The following MDGA2 variants were observed in gnomAD, a reference collection of about 807,000 sequenced individuals.
The protein encoded by MDGA2 is MAM domain-containing glycosylphosphatidylinositol anchor protein 2.
In MDGA2, 40 loss-of-function variants were observed where a neutral mutation model predicts 117.8. The observed-to-expected ratio is 0.34, with a 90% CI of 0.26 to 0.44. MDGA2 has a LOEUF of 0.44. Ranked by LOEUF, MDGA2 falls within the 20% of genes least tolerant of loss-of-function variation. MDGA2 has a pLI of 1.00. For missense variants in MDGA2, 1,123 were observed against 1,250.6 expected, an observed-to-expected ratio of 0.90 and a Z score of 1.54; for synonymous variants, 452 against 439.0, an observed-to-expected ratio of 1.03 and a Z score of -0.37.
chr14:47,444,991 A>G (rs914687457), intron 1 of MDGA2, among the ~76,000 whole-genome samples: 2 of 152,212 alleles, frequency 1.3e-5, no homozygotes, highest in East Asian at 1.9e-4. Context: ...GAGAAAATTA[A>G]TAAGTCAGAG....
intron 1 of MDGA2, among the ~76,000 whole-genome samples, chr14:47,451,381 T>C (rs777109381): frequency 6.6e-6 from 1 of 152,132 alleles, no homozygotes; most frequent in Non-Finnish European, 1.5e-5. Context: ...CTGATCACTT[T>C]GCTCATTTCC....
intron 1 of MDGA2, among the ~76,000 whole-genome samples, chr14:47,324,770 G>C (rs1235575279): frequency 6.6e-6 from 1 of 151,862 alleles, no homozygotes; most frequent in African/African-American, 2.4e-5. Context: ...ATTTCTATTA[G>C]TGATTATCTC....
At chr14:47,357,676 A>G (rs1891026501) in intron 1 of MDGA2, among the ~76,000 whole-genome samples, 2 of 152,198 alleles carry the variant, frequency 1.3e-5, no homozygotes. Context: ...TGGGGATACT[A>G]GTGACCACTG....
chr14:47,320,819 C>T (rs1889957536), intron 1 of MDGA2, among the ~76,000 whole-genome samples: 1 of 151,984 alleles, frequency 6.6e-6, no homozygotes. Context: ...GGGGAAGAGC[C>T]TCGGTTAAAG....
At chr14:47,314,843 A>G (rs1039172016) in intron 1 of MDGA2, among the ~76,000 whole-genome samples, 1 of 152,138 alleles carries the variant, frequency 6.6e-6, no homozygotes, top group Non-Finnish European at 1.5e-5. Context: ...TTACAATATG[A>G]CCAATACAAA....
chr14:47,585,833 A>G (rs1241961598), intron 1 of MDGA2, among the ~76,000 whole-genome samples: 1 of 151,842 alleles, frequency 6.6e-6, no homozygotes, highest in African/African-American at 2.4e-5. Flanking sequence ...CACCTTCCTC[A>G]GTCCGGGAGC....
At chr14:46,953,307 G>T (rs1885435809) in intron 9 of MDGA2, among the ~76,000 whole-genome samples, 1 of 135,734 alleles carries the variant, frequency 7.4e-6, no homozygotes. Flanking sequence ...TATATACACT[G>T]TTAACTTTTG....
chr14:47,259,598 T>A (rs1887729687), intron 2 of MDGA2, among the ~76,000 whole-genome samples: 1 of 152,078 alleles, frequency 6.6e-6, no homozygotes, highest in African/African-American at 2.4e-5. Flanking sequence ...TCTTGTGACA[T>A]TATTTGACAA....
intron 9 of MDGA2, among the ~76,000 whole-genome samples, chr14:46,950,823 A>C (rs1885345731): frequency 6.6e-6 from 1 of 151,884 alleles, no homozygotes; most frequent in Non-Finnish European, 1.5e-5. Flanking sequence ...GTAAATAAAA[A>C]CATTGCCAGA....
At chr14:47,264,083 G>A (rs888158402) in intron 2 of MDGA2, among the ~76,000 whole-genome samples, 5 of 152,116 alleles carry the variant, frequency 3.3e-5, no homozygotes, top group Admixed American at 6.6e-5. Context: ...TTAAGTCAGC[G>A]TGTCCTTGTG....
In MDGA2 at chr14:46,938,540, C is replaced by CAAAAAAAAAAAAAAAA. The variant is rs71112472; in HGVS notation, c.2090-18396_2090-18381dup. Among the ~76,000 whole-genome samples, 122 of 26,978 alleles carry CAAAAAAAAAAAAAAAA rather than the reference C, an allele frequency of 4.5e-3. 10 individuals are homozygous for CAAAAAAAAAAAAAAAA. Among genetic ancestry groups the CAAAAAAAAAAAAAAAA allele is most frequent in the Non-Finnish European group, 6.1e-3 (70 of 11,396 alleles). The allele number at this position is 26,978 out of a possible 152,430, so 17.7% of individuals were successfully genotyped here. Reference sequence around the variant, plus strand: ...GGGCAACAAGAACGAAAATCCATCTCAAAAAAAAAAAAAAAAAAAAGAGAC... The same window carrying CAAAAAAAAAAAAAAAA: ...GGGCAACAAGAACGAAAATCCATCTCAAAAAAAAAAAAAAAAAAAAAAAAAAAAAAAAAAAAGAGAC... On this transcript the variant is annotated intron_variant, in intron 9 of 16. Transcript: ENST00000399232.
At chr14:47,384,629 AC>A (rs1269281568) in intron 1 of MDGA2, among the ~76,000 whole-genome samples, 3 of 152,044 alleles carry the variant, frequency 2.0e-5, no homozygotes, top group African/African-American at 7.2e-5. Flanking sequence ...TGAGAGGGCA[AC>A]TTTACCACAT....
Position 47,147,210 on chromosome 14 carries a change from C to T in MDGA2, c.596-2936G>A, listed in dbSNP as rs186681697. Among the ~76,000 whole-genome samples, 106 of 150,708 alleles carry T rather than the reference C, an allele frequency of 7.0e-4. 1 individual carries two copies. Among genetic ancestry groups the T allele is most frequent in the Non-Finnish European group, 1.2e-3 (82 of 67,728 alleles). On this transcript the variant is annotated intron_variant, in intron 3 of 16. Transcript: ENST00000399232. ...ATATAATGTAAGTAATTTATACACA[C>T]ATATCACTTAAATCTATTTTAATAT...
At chr14:47,659,842 C>A (rs1897812551) in intron 1 of MDGA2, among the ~76,000 whole-genome samples, 1 of 152,172 alleles carries the variant, frequency 6.6e-6, no homozygotes, top group Admixed American at 6.5e-5. Context: ...GGATTTGACT[C>A]ATCTTTTACT....
intron 1 of MDGA2, among the ~76,000 whole-genome samples, chr14:47,542,481 A>G (rs192725793): frequency 6.7e-4 from 102 of 152,354 alleles, no homozygotes; most frequent in Non-Finnish European, 1.4e-3. Context: ...TTGGTACACA[A>G]TATAAGTCAG....
intron 1 of MDGA2, among the ~76,000 whole-genome samples, chr14:47,599,966 C>CA (rs1896615818): frequency 6.6e-6 from 1 of 151,964 alleles, no homozygotes; most frequent in Non-Finnish European, 1.5e-5. Context: ...TCCACAGAGC[C>CA]AAAATAAGAG....
chr14:47,283,880 T>G (rs1466646401), intron 2 of MDGA2, among the ~76,000 whole-genome samples: 3 of 152,134 alleles, frequency 2.0e-5, no homozygotes, highest in African/African-American at 7.2e-5. Context: ...TAATAAAATC[T>G]GAACAAGTCA....
intron 1 of MDGA2, among the ~76,000 whole-genome samples, chr14:47,451,888 T>A (rs1403985934): frequency 6.6e-6 from 1 of 152,018 alleles, no homozygotes; most frequent in Non-Finnish European, 1.5e-5. Flanking sequence ...GACTCAGTAA[T>A]GTTTAGAGGA....
intron 3 of MDGA2, among the ~76,000 whole-genome samples, chr14:47,203,778 G>A (rs1885590839): frequency 6.6e-6 from 1 of 151,954 alleles, no homozygotes; most frequent in African/African-American, 2.4e-5. Context: ...CTTAGACCAA[G>A]AGTCTTCAAA....
Sources: allele counts gnomAD v4.1 joint callset (sites outside exome capture counted in the v4.1 genomes callset), GRCh38; gene constraint gnomAD v4.1.1; transcripts MANE v1.5; gene names NCBI Gene and HGNC (gene_info 2026-07-23, HGNC 2026-07-21).